Variants in NFIB observed in about 807,000 individuals in gnomAD.
NFIB encodes nuclear factor I B.
NFIB carries 11 observed loss-of-function variants against 61.5 expected under a neutral mutation model. That is an observed-to-expected ratio of 0.18 (90% CI 0.11 to 0.30). The LOEUF (loss-of-function observed/expected upper bound fraction) is 0.30, where lower values mean the gene tolerates loss of function less well. Among genes scored for constraint, NFIB ranks in the 10% least tolerant of loss-of-function variants. NFIB has a pLI of 1.00. For missense variants in NFIB, 471 were observed against 608.9 expected (o/e 0.77, Z 2.38); for synonymous variants, 260 against 216.5 (o/e 1.20, Z -1.76).
chr9:14,405,238 T>G, the NFIB span, among the ~76,000 whole-genome samples: 1 of 152,214 alleles, frequency 6.6e-6, no homozygotes, highest in Admixed American at 6.5e-5. Context: ...AGTCCCTGAA[T>G]GGTTATAGGG....
At chr9:14,433,203 G>A in the NFIB span, among the ~76,000 whole-genome samples, 1 of 152,078 alleles carries the variant, frequency 6.6e-6, no homozygotes. Context: ...TTAAAGCTGT[G>A]TTTCTCACAT....
chr9:14,455,740 C>T, the NFIB span, among the ~76,000 whole-genome samples: 6 of 151,994 alleles, frequency 3.9e-5, no homozygotes, highest in African/African-American at 1.5e-4. Context: ...GTGACCTTAA[C>T]AAAAGTGTAA....
chr9:14,461,338 A>G, the NFIB span, among the ~76,000 whole-genome samples: 1 of 152,236 alleles, frequency 6.6e-6, no homozygotes, highest in African/African-American at 2.4e-5. Context: ...CACAGGTGAT[A>G]GGAAGAAATA....
intron 3 of NFIB, among the ~76,000 whole-genome samples, chr9:14,161,034 T>C (rs2044138964): frequency 6.6e-6 from 1 of 152,070 alleles, no homozygotes. Flanking sequence ...TTCAACAGAG[T>C]TTAAAAGAAG....
At chr9:14,190,468 G>A (rs372427164) in intron 2 of NFIB, among the ~76,000 whole-genome samples, 1 of 152,168 alleles carries the variant, frequency 6.6e-6, no homozygotes. Context: ...GAAGCTTGCT[G>A]ATGTGGCAGA....
chr9:14,508,172 C>T, the NFIB span, among the ~76,000 whole-genome samples: 2 of 151,694 alleles, frequency 1.3e-5, no homozygotes, highest in Non-Finnish European at 2.9e-5. Context: ...AAAAGCATCA[C>T]TGCTTTTCTA....
In NFIB at chr9:14,307,487, G is replaced by A. The variant is rs758185215; in HGVS notation, c.64C>T (p.Pro22Ser). 1 of 1,609,978 alleles carries A rather than the reference G, an allele frequency of 6.2e-7. No individual in the cohort carries two copies. Among genetic ancestry groups the A allele is most frequent in the African/African-American group, 1.3e-5 (1 of 74,782 alleles). Residue 22 changes from proline (P) to serine (S), a missense_variant, in exon 2 of 11, where the codon CCA becomes TCA. Pro to Ser is a moderately conservative substitution (Grantham distance 74). Transcript: ENST00000380953. This position sits in a 1 kb window ranked among gnomAD's most constrained non-coding sequence, Gnocchi z 5.3. Reference protein sequence around the residue: ...EFHPFIEALLPHVRAIAYTWF... With the variant: ...EFHPFIEALLSHVRAIAYTWF... ...GTATAGGCAATTGCACGGACATGTG[G>A]AAGAAGTGCCTCGATGAATGGGTGA...
At chr9:14,281,937 G>A (rs899522012) in intron 2 of NFIB, among the ~76,000 whole-genome samples, 5 of 152,110 alleles carry the variant, frequency 3.3e-5, no homozygotes, top group African/African-American at 1.2e-4. Flanking sequence ...AATGGATGCT[G>A]CATAGGTCAA....
intron 5 of NFIB, among the ~76,000 whole-genome samples, chr9:14,147,379 G>A (rs896556582): frequency 1.3e-5 from 2 of 151,944 alleles, no homozygotes; most frequent in Admixed American, 6.6e-5. Flanking sequence ...AAAGGCAGAC[G>A]GTTGGAAGAG....
chr9:14,333,596 C>T (rs1436772993), intron 1 of NFIB, among the ~76,000 whole-genome samples: 1 of 152,184 alleles, frequency 6.6e-6, no homozygotes, highest in Non-Finnish European at 1.5e-5. Flanking sequence ...GTCACTTCAG[C>T]AGCCTTGGCC....
the NFIB span, among the ~76,000 whole-genome samples, chr9:14,503,584 T>C: frequency 6.6e-6 from 1 of 152,234 alleles, no homozygotes; most frequent in Non-Finnish European, 1.5e-5. Context: ...TAATTAGTGA[T>C]GTTGGGCATT....
chr9:14,363,295 G>A (rs1460031090), intron 1 of NFIB, among the ~76,000 whole-genome samples: 1 of 152,144 alleles, frequency 6.6e-6, no homozygotes, highest in East Asian at 1.9e-4. Flanking sequence ...TCTTAACTGT[G>A]GCAGTGGTTC....
At chr9:14,495,351 A>C in the NFIB span, among the ~76,000 whole-genome samples, 1 of 151,738 alleles carries the variant, frequency 6.6e-6, no homozygotes, top group Non-Finnish European at 1.5e-5. Context: ...ACATTGCAAC[A>C]TATCTACGGG....
At chr9:14,306,813 A>G (rs1416277347) in intron 2 of NFIB, among the ~76,000 whole-genome samples, 176 bp downstream of exon 2, 1 of 152,200 alleles carries the variant, frequency 6.6e-6, no homozygotes, top group Admixed American at 6.5e-5. Context: ...GTGTCTATTT[A>G]CATGGCTCGC....
At chr9:14,386,378 T>C (rs1035688622) in intron 1 of NFIB, among the ~76,000 whole-genome samples, 1 of 152,168 alleles carries the variant, frequency 6.6e-6, no homozygotes, top group African/African-American at 2.4e-5. Flanking sequence ...CAAGAAACTC[T>C]GCCCCTAGCA....
chr9:14,177,129 G>T (rs1424009600), intron 3 of NFIB, among the ~76,000 whole-genome samples: 4 of 152,118 alleles, frequency 2.6e-5, no homozygotes, highest in Non-Finnish European at 5.9e-5. Context: ...CATTGCTTGT[G>T]GTGGTAGACT....
chr9:14,389,001 CCTGGA>C (rs1330720915), intron 1 of NFIB, among the ~76,000 whole-genome samples: 1 of 152,072 alleles, frequency 6.6e-6, no homozygotes, highest in Non-Finnish European at 1.5e-5. Flanking sequence ...AGGGTTGGGG[CCTGGA>C]CATTGCATTG....
chr9:14,448,233 A>G, the NFIB span, among the ~76,000 whole-genome samples: 21 of 152,344 alleles, frequency 1.4e-4, no homozygotes, highest in East Asian at 3.1e-3. Context: ...TGTATTATGT[A>G]TAACTTAACT....
intron 10 of NFIB, among the ~76,000 whole-genome samples, chr9:14,097,881 T>C (rs1206572951): frequency 1.4e-5 from 2 of 145,514 alleles, no homozygotes; most frequent in African/African-American, 2.5e-5. Flanking sequence ...TTTTCTTTTT[T>C]TTTTTTTTTT....
Sources: allele counts gnomAD v4.1 joint callset (sites outside exome capture counted in the v4.1 genomes callset), GRCh38; gene constraint gnomAD v4.1.1; non-coding constraint Gnocchi (gnomAD v3.1); transcripts MANE v1.5; gene names NCBI Gene and HGNC (gene_info 2026-07-23, HGNC 2026-07-21).